The following CCDC149 variants were observed in gnomAD, a reference collection of about 807,000 sequenced individuals.
The protein encoded by CCDC149 is coiled-coil domain containing 149, also known as coiled-coil domain-containing protein 149.
A neutral mutation model predicts 59.9 loss-of-function variants in CCDC149; 45 were observed. That is an observed-to-expected ratio of 0.75 (90% confidence interval 0.59 to 0.96). The LOEUF is 0.96. Ranked by LOEUF, CCDC149 falls within the 40% of genes least tolerant of loss-of-function variation. The pLI, the probability that CCDC149 is intolerant of heterozygous loss-of-function variation, is 0.00. For missense variants in CCDC149, 584 were observed against 664.7 expected, an observed-to-expected ratio of 0.88 and a Z score of 1.33; for synonymous variants, 245 against 260.6, an observed-to-expected ratio of 0.94 and a Z score of 0.58.
At chr4:24,958,253 T>C (rs28704724) in intron 1 of CCDC149, among the ~76,000 whole-genome samples, 83,515 of 152,082 alleles carry the variant, frequency 0.55, 24,409 homozygotes, top group Non-Finnish European at 0.66. Context: ...ACTAGCCACA[T>C]TGAAGCAAAT....
At chr4:24,823,780 A>C (rs1487916325) in intron 9 of CCDC149, among the ~76,000 whole-genome samples, 2 of 152,162 alleles carry the variant, frequency 1.3e-5, no homozygotes, top group African/African-American at 4.8e-5. Context: ...GAATTACTCT[A>C]TGTGGTTTTC....
chr4:24,898,431 C>T (rs1720971119), intron 1 of CCDC149, among the ~76,000 whole-genome samples: 1 of 152,162 alleles, frequency 6.6e-6, no homozygotes, highest in Non-Finnish European at 1.5e-5. Flanking sequence ...AGCCGGGAAG[C>T]TGGCCGGGAC....
At chr4:24,870,978 C>G (rs1719004416) in intron 3 of CCDC149, among the ~76,000 whole-genome samples, 1 of 147,416 alleles carries the variant, frequency 6.8e-6, no homozygotes. Context: ...CCAGGAGGCA[C>G]AGCTTGCAGT....
chr4:24,956,699 G>A (rs2109358431), intron 1 of CCDC149, among the ~76,000 whole-genome samples: 1 of 152,284 alleles, frequency 6.6e-6, no homozygotes, highest in East Asian at 1.9e-4. Context: ...GTGTTCAGTG[G>A]CCTGAGGCAG....
At chr4:24,820,949 A>T (rs1715352504) in intron 11 of CCDC149, 106 bp downstream of exon 11, 1 of 532,248 alleles carries the variant, frequency 1.9e-6, no homozygotes, top group Admixed American at 4.4e-5. Flanking sequence ...TAATCAGAGA[A>T]GTTCAAGGAA....
chr4:24,911,019 T>G (rs1360500950), intron 1 of CCDC149, among the ~76,000 whole-genome samples: 2 of 152,242 alleles, frequency 1.3e-5, no homozygotes, highest in East Asian at 3.9e-4. Context: ...TAAGGAGGTA[T>G]TACTCTGGAG....
chr4:24,853,238 G>T, intron 3 of CCDC149, 59 bp from the exon 4 acceptor site: 1 of 1,242,792 alleles, frequency 8.0e-7, no homozygotes. Flanking sequence ...ATGAATGCAG[G>T]GCTTCATTGG....
chr4:24,860,306 T>C (rs1225281295), intron 3 of CCDC149, among the ~76,000 whole-genome samples: 1 of 152,160 alleles, frequency 6.6e-6, no homozygotes, highest in East Asian at 1.9e-4. Flanking sequence ...TACAGCTAAC[T>C]GATCTTCAAC....
intron 1 of CCDC149, chr4:24,895,059 G>GTGA: frequency 6.6e-7 from 1 of 1,509,998 alleles, no homozygotes; most frequent in Non-Finnish European, 8.9e-7. Flanking sequence ...GACCATGATG[G>GTGA]TGATGATGAT....
At position 24,807,934 on chromosome 4, in the gene CCDC149, T is replaced by C. The variant is rs1020442840; in HGVS notation, c.*455A>G. On this transcript the variant is annotated 3_prime_UTR_variant, in exon 13 of 13. Transcript: ENST00000635206. ...CATGGGTCCTCTGGACACGTTTTGC[T>C]CAATTATACCTTCCTCTCCAGCTGC... 5.2e-5 allele frequency: 8 copies of C among 152,726 alleles called. No homozygotes were observed. Among genetic ancestry groups the C allele is most frequent in the African/African-American group, 1.7e-4 (7 of 41,448 alleles). The allele number at this position is 152,726 out of a possible 1,614,324, so 9.5% of individuals were successfully genotyped here. A position where few individuals can be genotyped will look rare whatever the true frequency, so the allele number is the denominator to read the frequency against.
intron 3 of CCDC149, among the ~76,000 whole-genome samples, chr4:24,857,656 T>C (rs1223973014): frequency 6.6e-6 from 1 of 152,212 alleles, no homozygotes; most frequent in East Asian, 1.9e-4. Flanking sequence ...TTTAGAGACC[T>C]AGTGATGTGA....
At chr4:24,819,766 C>T (rs1715244399) in intron 12 of CCDC149, 93 bp downstream of exon 12, 8 of 888,670 alleles carry the variant, frequency 9.0e-6, no homozygotes, top group Admixed American at 4.0e-5. Flanking sequence ...AGCAGCAGCA[C>T]AAAGGGGAAG....
chr4:24,803,628 T>C (rs1218516280), downstream of CCDC149, among the ~76,000 whole-genome samples: 1 of 152,174 alleles, frequency 6.6e-6, no homozygotes, highest in Non-Finnish European at 1.5e-5. The surrounding 1 kb of genome is among the most constrained non-coding windows in gnomAD (Gnocchi z 4.3). Context: ...GAAGGTACTT[T>C]TTCTTTAAAT....
At chr4:24,902,083 G>C (rs2109307516) in intron 1 of CCDC149, among the ~76,000 whole-genome samples, 1 of 152,340 alleles carries the variant, frequency 6.6e-6, no homozygotes, top group Middle Eastern at 3.4e-3. Flanking sequence ...GTCCAGTGGA[G>C]AGACAGGTAA....
chr4:24,818,362 G>A (rs1167555686), intron 12 of CCDC149, among the ~76,000 whole-genome samples: 7 of 152,220 alleles, frequency 4.6e-5, no homozygotes, highest in African/African-American at 1.7e-4. Context: ...TAACTCTGCA[G>A]ATGGAACCTT....
At chr4:24,921,026 T>G (rs1722267894) in intron 1 of CCDC149, among the ~76,000 whole-genome samples, 1 of 151,890 alleles carries the variant, frequency 6.6e-6, no homozygotes, top group Admixed American at 6.6e-5. Flanking sequence ...AGCAGGGGAG[T>G]AGAAAAGAGT....
chr4:24,934,305 G>A (rs911417014), intron 1 of CCDC149, among the ~76,000 whole-genome samples: 1 of 152,122 alleles, frequency 6.6e-6, no homozygotes, highest in African/African-American at 2.4e-5. Context: ...TTTTATAAAG[G>A]GTTTCCCCTT....
intron 11 of CCDC149, 167 bp from the exon 12 acceptor site, chr4:24,820,142 C>T: frequency 1.7e-6 from 1 of 588,744 alleles, no homozygotes; most frequent in Non-Finnish European, 3.0e-6. Context: ...CACTATTGCA[C>T]CACCCTAGCC....
intron 9 of CCDC149, chr4:24,829,785 C>T (rs1202762107): frequency 6.6e-6 from 1 of 152,296 alleles, no homozygotes; most frequent in Admixed American, 6.5e-5. Flanking sequence ...GTCCCCACCC[C>T]CCAGCCGCTG....
Sources: gnomAD v4.1 joint callset for allele counts (sites outside exome capture counted in the v4.1 genomes callset) on GRCh38, gnomAD v4.1.1 for gene constraint, Gnocchi (gnomAD v3.1) non-coding constraint, MANE v1.5 for transcripts, NCBI Gene and HGNC (gene_info 2026-07-23, HGNC 2026-07-21) for gene names.